The following ACTR1A variants were observed in gnomAD, a reference collection of about 807,000 sequenced individuals.
ACTR1A encodes the protein alpha-centractin.
A neutral mutation model predicts 50.7 loss-of-function variants in ACTR1A; 10 were observed. The ratio of observed to expected loss-of-function variants is 0.20; its 90% CI spans 0.12 to 0.33. The LOEUF is 0.33. Ranked by LOEUF, ACTR1A falls within the 10% of genes least tolerant of loss-of-function variation. The probability of loss-of-function intolerance (pLI) is 1.00; values close to 1 mark genes in which losing one functional copy is unlikely to be tolerated. For synonymous variants in ACTR1A, 177 were observed against 184.2 expected, an observed-to-expected ratio of 0.96 and a Z score of 0.32; for missense variants, 253 against 491.7, an observed-to-expected ratio of 0.51 and a Z score of 4.59.
In ACTR1A at chr10:102,483,005, A is replaced by G. The variant is rs200770550; in HGVS notation, c.750+6T>C. Reference sequence around the variant, plus strand: ...GGGGACCGAAGAAAGAAGGCAGGCCACCTACCTCAATGGTGCTGCCATCAG... The same window carrying G: ...GGGGACCGAAGAAAGAAGGCAGGCCGCCTACCTCAATGGTGCTGCCATCAG... On this transcript the variant is annotated splice_donor_region_variant and intron_variant, in intron 7 of 10. Coordinates refer to ENST00000369905, the MANE Select transcript of ACTR1A (RefSeq NM_005736.4). 209 of 1,611,248 alleles carry G rather than the reference A, an allele frequency of 1.3e-4. No homozygotes were observed. Among genetic ancestry groups the G allele is most frequent in the Admixed American group, 1.7e-4 (10 of 60,030 alleles).
intron 1 of ACTR1A, among the ~76,000 whole-genome samples, chr10:102,493,531 C>T (rs1038289875): frequency 6.6e-6 from 1 of 152,132 alleles, no homozygotes; most frequent in Non-Finnish European, 1.5e-5. Context: ...CTCTGTCCTT[C>T]CTAGCAAAGA....
Position 102,482,097 on chromosome 10 carries a change from C to T in ACTR1A, c.829G>A (p.Glu277Lys), listed in dbSNP as rs1360371362. The T allele has an allele frequency of 6.2e-7, 1 of 1,614,140 alleles. No homozygotes were observed. Among genetic ancestry groups the T allele is most frequent in the South Asian group, 1.1e-5 (1 of 91,086 alleles). Residue 277 changes from glutamate (E) to lysine (K), a missense_variant, in exon 8 of 11, where the codon GAG becomes AAG. Physicochemically the swap from Glu to Lys is moderately conservative, Grantham distance 56. Coordinates refer to ENST00000369905, the MANE Select transcript of ACTR1A (RefSeq NM_005736.4). This position sits in a 1 kb window ranked among gnomAD's most constrained non-coding sequence, Gnocchi z 5.6. Reference protein sequence around the residue: ...LIGEESEGIHEVLVFAIQKSD... With the variant: ...LIGEESEGIHKVLVFAIQKSD... The stretch of plus-strand genomic sequence containing the variant: ...TTCTGAATGGCGAACACCAGGACCT[C>T]GTGGATGCCTTCACTCTCCTCTCCA...
At chr10:102,481,816 C>G (rs1262654243) in intron 9 of ACTR1A, 21 bp downstream of exon 9, 1 of 1,612,090 alleles carries the variant, frequency 6.2e-7, no homozygotes, top group South Asian at 1.1e-5. Context: ...CCACCCAGGC[C>G]AGGCCCCACC....
chr10:102,492,059 C>T (rs1285113118), intron 1 of ACTR1A, among the ~76,000 whole-genome samples: 2 of 133,712 alleles, frequency 1.5e-5, no homozygotes, highest in South Asian at 2.4e-4. Context: ...GTGAGCCCAC[C>T]GTGCCCGGCC....
At chr10:102,502,495 C>T in intron 1 of ACTR1A, 105 bp downstream of exon 1, 1 of 1,288,690 alleles carries the variant, frequency 7.8e-7, no homozygotes. Context: ...GCCTGACAGG[C>T]CGGGCCAGTG....
intron 1 of ACTR1A, among the ~76,000 whole-genome samples, chr10:102,497,171 G>GAGA (rs1360158998): frequency 1.4e-5 from 1 of 69,770 alleles, no homozygotes; most frequent in East Asian, 4.0e-4. Flanking sequence ...TCCATCTCAG[G>GAGA]AAAAAAAAAA....
chr10:102,486,634 G>A (rs1470135150), intron 4 of ACTR1A, among the ~76,000 whole-genome samples: 2 of 151,936 alleles, frequency 1.3e-5, no homozygotes, highest in Non-Finnish European at 2.9e-5. Context: ...CAGAGGTTGC[G>A]GTGAGCCGAG....
Position 102,480,881 on chromosome 10 carries a change from G to C in ACTR1A, c.1113C>G (p.Ile371Met), listed in dbSNP as rs1564647248. The C allele has an allele frequency of 6.2e-7, 1 of 1,613,588 alleles. No individual in the cohort carries two copies. The highest frequency in any genetic ancestry group is 1.1e-5 in the South Asian group (1 of 91,068). Reference protein sequence around the residue: ...KEYEEDGARSIHRKTF With the variant: ...KEYEEDGARSMHRKTF Reference sequence around the variant, plus strand: ...CCCGACATTAGAAGGTTTTTCTGTGGATGGATCGGGCACCGTCTTCCTCAT... The same window carrying C: ...CCCGACATTAGAAGGTTTTTCTGTGCATGGATCGGGCACCGTCTTCCTCAT... Residue 371 changes from isoleucine to methionine, a missense_variant, in exon 11 of 11, where the codon ATC (isoleucine) becomes ATG (methionine). By Grantham distance (10) the Ile-to-Met change is conservative (BLOSUM62 1). Around this residue, in one of 4 missense-constraint regions of ACTR1A, gnomAD observed 14 missense variants for 16.3 expected, o/e 0.86. Transcript: ENST00000369905.
chr10:102,495,313 T>C (rs1479651763), intron 1 of ACTR1A, among the ~76,000 whole-genome samples: 1 of 151,964 alleles, frequency 6.6e-6, no homozygotes, highest in Non-Finnish European at 1.5e-5. Context: ...CTCACACCTG[T>C]AATCCCAGCA....
chr10:102,502,594 A>G lies in ACTR1A; in HGVS notation c.48+6T>C. On this transcript the variant is annotated splice_donor_region_variant and intron_variant, in intron 1 of 10. Transcript: ENST00000369905. ...TCCCCTTATAGATAGGAAAGACGCAACTCACGTTGTCGATCACGACAGGCT... is the reference window on the plus strand; with the variant it reads ...TCCCCTTATAGATAGGAAAGACGCAGCTCACGTTGTCGATCACGACAGGCT... 1.2e-6 allele frequency: 2 copies of G among 1,614,186 alleles called. No individual in the cohort carries two copies. The highest frequency in any genetic ancestry group is 2.2e-5 in the East Asian group (1 of 44,874).
rs1266300859 is a variant in ACTR1A at position 102,479,857 on chromosome 10, T to C, written c.*1006A>G. 2.8e-6 allele frequency: 1 copy of C among 359,230 alleles called. No homozygotes were observed. The highest frequency in any genetic ancestry group is 5.4e-6 in the Non-Finnish European group (1 of 186,830). The allele number at this position is 359,230 out of a possible 1,614,324, so 22.3% of individuals were successfully genotyped here. A position where few individuals can be genotyped will look rare whatever the true frequency, so the allele number is the denominator to read the frequency against. On this transcript the variant is annotated 3_prime_UTR_variant, in exon 11 of 11. Coordinates refer to ENST00000369905, the MANE Select transcript of ACTR1A (RefSeq NM_005736.4). This position sits in a 1 kb window ranked among gnomAD's most constrained non-coding sequence, Gnocchi z 4.0. ...ATCTAACCAGCAACCAGCCTGTTGA[T>C]TCCAGGGCAGTGAGCAAGAGGAAAA... is the stretch of plus-strand genomic sequence containing the variant.
At chr10:102,484,910 T>G (rs1257770715) in intron 5 of ACTR1A, among the ~76,000 whole-genome samples, 1 of 152,128 alleles carries the variant, frequency 6.6e-6, no homozygotes, top group Admixed American at 6.5e-5. Context: ...GGACAGGCTG[T>G]GGGGAGGGTG....
At chr10:102,483,208 T>C (rs1308209144) in intron 6 of ACTR1A, 105 bp from the exon 7 acceptor site, 9 of 890,066 alleles carry the variant, frequency 1.0e-5, no homozygotes, top group Non-Finnish European at 1.5e-5. Flanking sequence ...CTAAACGTTG[T>C]GATGGCCCCA....
intron 2 of ACTR1A, among the ~76,000 whole-genome samples, chr10:102,489,474 C>G (rs1164966886): frequency 6.6e-6 from 1 of 152,136 alleles, no homozygotes; most frequent in Non-Finnish European, 1.5e-5. Context: ...GTGATTAACT[C>G]AAAACATTTT....
At chr10:102,489,274 C>T in intron 2 of ACTR1A, 136 bp from the exon 3 acceptor site, 1 of 450,424 alleles carries the variant, frequency 2.2e-6, no homozygotes. Context: ...TTTTGATTTT[C>T]TTCTTTATAC....
At chr10:102,492,278 T>C (rs2062198513) in intron 1 of ACTR1A, among the ~76,000 whole-genome samples, 1 of 147,844 alleles carries the variant, frequency 6.8e-6, no homozygotes. Flanking sequence ...ACCGTGTTGG[T>C]CAGGCTGGTC....
chr10:102,493,022 A>AAAAAAAAAAAAAAAAAAG (rs2062202155), intron 1 of ACTR1A, among the ~76,000 whole-genome samples: 2 of 150,788 alleles, frequency 1.3e-5, no homozygotes, highest in African/African-American at 4.9e-5. Flanking sequence ...AAAAAAAAAA[A>AAAAAAAAAAAAAAAAAAG]AAGAAGTGGT....
At chr10:102,500,057 A>G (rs2135591048) in intron 1 of ACTR1A, among the ~76,000 whole-genome samples, 1 of 152,264 alleles carries the variant, frequency 6.6e-6, no homozygotes, top group African/African-American at 2.4e-5. Context: ...TTTTCCCAAC[A>G]CCACTAAACC....
At chr10:102,493,765 T>G (rs774536355) in intron 1 of ACTR1A, among the ~76,000 whole-genome samples, 76 of 152,238 alleles carry the variant, frequency 5.0e-4, no homozygotes, top group Admixed American at 1.4e-3. Context: ...GTATCTGGCA[T>G]TTGCTGGGTA....
Sources: gnomAD v4.1 joint callset for allele counts (sites outside exome capture counted in the v4.1 genomes callset) on GRCh38, gnomAD v4.1.1 for gene constraint, gnomAD v4.1.1 regional missense constraint, Gnocchi (gnomAD v3.1) non-coding constraint, MANE v1.5 for transcripts, NCBI Gene and HGNC (gene_info 2026-07-23, HGNC 2026-07-21) for gene names.